GON4L: variants seen among roughly 807,000 people sequenced by gnomAD.
The protein encoded by GON4L is gon-4 like.
GON4L carries 87 observed loss-of-function variants against 211.8 expected under a neutral mutation model. That is an observed-to-expected ratio of 0.41 (90% confidence interval 0.35 to 0.49). The LOEUF is 0.49. GON4L is among the 20% of genes least tolerant of loss of function. The probability of loss-of-function intolerance (pLI) is 0.15; values close to 1 mark genes in which losing one functional copy is unlikely to be tolerated. For missense variants in GON4L, 2,155 were observed against 2,659.5 expected (o/e 0.81, Z 4.17); for synonymous variants, 875 against 962.6 (o/e 0.91, Z 1.68).
At chr1:155,852,446 T>G (rs1230551124) in intron 2 of GON4L, among the ~76,000 whole-genome samples, 2 of 152,000 alleles carry the variant, frequency 1.3e-5, no homozygotes, top group Non-Finnish European at 2.9e-5. Flanking sequence ...GAGAATGGAA[T>G]GAAAGGGATA....
intron 23 of GON4L, among the ~76,000 whole-genome samples, chr1:155,761,747 G>A (rs995449704): frequency 4.0e-5 from 6 of 151,478 alleles, no homozygotes; most frequent in South Asian, 2.1e-4. Context: ...CACCCACCTC[G>A]GCCTCCCAAA....
intron 29 of GON4L, 55 bp downstream of exon 29, chr1:155,753,149 G>T: frequency 7.6e-7 from 1 of 1,314,268 alleles, no homozygotes; most frequent in Non-Finnish European, 1.1e-6. Context: ...TTCCTGTCTG[G>T]AGTACAGGAT....
At chr1:155,767,631 A>G in intron 19 of GON4L, 90 bp from the exon 20 acceptor site, 1 of 1,506,624 alleles carries the variant, frequency 6.6e-7, no homozygotes, top group East Asian at 2.3e-5. Flanking sequence ...GTGGATCAAG[A>G]GAAACACACA....
intron 2 of GON4L, among the ~76,000 whole-genome samples, chr1:155,852,569 G>C (rs550622867): frequency 8.6e-5 from 13 of 151,562 alleles, no homozygotes; most frequent in Admixed American, 3.3e-4. Flanking sequence ...GTGAAACCCC[G>C]CCTCTACTAA....
At chr1:155,808,616 G>C (rs771682303) in intron 10 of GON4L, among the ~76,000 whole-genome samples, 3 of 151,932 alleles carry the variant, frequency 2.0e-5, no homozygotes, top group Non-Finnish European at 4.4e-5. Context: ...TCTCCTCAAA[G>C]AGGCCTTTTT....
At chr1:155,808,023 ATCTTT>A (rs1178455616) in intron 10 of GON4L, among the ~76,000 whole-genome samples, 1 of 151,536 alleles carries the variant, frequency 6.6e-6, no homozygotes, top group Non-Finnish European at 1.5e-5. Context: ...TATCACAAAA[ATCTTT>A]TCTTATTTAT....
In GON4L at chr1:155,787,311, A is replaced by G. The variant is rs566625760; in HGVS notation, c.1748-1937T>C. 1.3e-4 allele frequency among the ~76,000 whole-genome samples: 20 copies of G among 150,532 alleles called. No homozygotes were observed. The East Asian group carries it at 1.7e-3, about 13-fold the overall frequency. On this transcript the variant is annotated intron_variant, in intron 12 of 31. Transcript: ENST00000368331. ...TTTTGGTTGTTACAAGAATCTGAGG[A>G]AAAAAAAAAGTTTTGGTTGATATCA...
At chr1:155,803,324 A>C (rs926566377) in intron 11 of GON4L, among the ~76,000 whole-genome samples, 3 of 150,826 alleles carry the variant, frequency 2.0e-5, no homozygotes, top group Non-Finnish European at 4.4e-5. Context: ...GGCTCGCTAC[A>C]ACCTTCGCCT....
At chr1:155,760,093 T>G (rs567675323) in intron 24 of GON4L, among the ~76,000 whole-genome samples, 2 of 151,356 alleles carry the variant, frequency 1.3e-5, no homozygotes, top group African/African-American at 4.9e-5. Flanking sequence ...TTCCTAGCAA[T>G]TGAGGTCAGG....
intron 31 of GON4L, among the ~76,000 whole-genome samples, chr1:155,751,514 A>G (rs1027185284): frequency 6.6e-6 from 1 of 152,160 alleles, no homozygotes; most frequent in African/African-American, 2.4e-5. Flanking sequence ...GTGCCACTGC[A>G]CTCCAGCCTA....
At chr1:155,758,191 C>T (rs1166382310) in intron 24 of GON4L, among the ~76,000 whole-genome samples, 157 bp from the exon 25 acceptor site, 1 of 150,852 alleles carries the variant, frequency 6.6e-6, no homozygotes, top group Non-Finnish European at 1.5e-5. Context: ...ATTTAAAACC[C>T]TAACCTCCAT....
downstream of GON4L, chr1:155,748,803 T>A (rs1233546172): frequency 1.9e-6 from 3 of 1,592,212 alleles, no homozygotes; most frequent in African/African-American, 4.0e-5. Flanking sequence ...GAGCTGTTGG[T>A]CCTTAGGAGT....
intron 10 of GON4L, among the ~76,000 whole-genome samples, chr1:155,805,400 A>C (rs1229263786): frequency 6.6e-6 from 1 of 152,118 alleles, no homozygotes; most frequent in Non-Finnish European, 1.5e-5. Flanking sequence ...TACCCTTTTA[A>C]AGTGTATAAT....
At chr1:155,856,950 G>A (rs1316540006) in intron 1 of GON4L, among the ~76,000 whole-genome samples, 197 bp downstream of exon 1, 1 of 152,080 alleles carries the variant, frequency 6.6e-6, no homozygotes, top group African/African-American at 2.4e-5. Context: ...ATTTTCAAAA[G>A]GGGTCCTAAC....
Position 155,818,531 on chromosome 1 carries a change from A to G in GON4L, c.1014+2075T>C, listed in dbSNP as rs796938430. On this transcript the variant is annotated intron_variant, in intron 6 of 31. Coordinates refer to ENST00000368331, the MANE Select transcript of GON4L (RefSeq NM_001282860.2). ...CATCCTAGAGAAAGATGAAATTTCA[A>G]TTTATGCAACAAGAGTTAGTCAACC... Among the ~76,000 whole-genome samples, 17 of 152,330 alleles carry G rather than the reference A, an allele frequency of 1.1e-4. 1 individual carries two copies. The highest frequency in any genetic ancestry group is 4.1e-4 in the African/African-American group (17 of 41,574).
intron 2 of GON4L, among the ~76,000 whole-genome samples, chr1:155,828,789 CAG>C (rs1390994602): frequency 3.3e-5 from 4 of 121,796 alleles, no homozygotes; most frequent in Non-Finnish European, 6.4e-5. Context: ...GCCTGGGCGA[CAG>C]AGAGAGACTC....
At chr1:155,795,586 T>C (rs1369594554) in intron 11 of GON4L, among the ~76,000 whole-genome samples, 1 of 152,088 alleles carries the variant, frequency 6.6e-6, no homozygotes, top group African/African-American at 2.4e-5. Context: ...ACTCTGTGAG[T>C]GCAAACATGA....
intron 2 of GON4L, among the ~76,000 whole-genome samples, chr1:155,852,059 C>T (rs532757363): frequency 3.3e-4 from 48 of 147,676 alleles, no homozygotes; most frequent in Non-Finnish European, 4.5e-4. Flanking sequence ...CAGCTACTCG[C>T]GAGGCTGAAG....
downstream of GON4L, chr1:155,748,476 C>T: frequency 1.2e-6 from 2 of 1,611,748 alleles, no homozygotes; most frequent in South Asian, 1.1e-5. Flanking sequence ...CGCCTGTGTT[C>T]CTCTCCAGTT....
Sources: gnomAD v4.1 joint callset for allele counts (sites outside exome capture counted in the v4.1 genomes callset) on GRCh38, gnomAD v4.1.1 for gene constraint, MANE v1.5 for transcripts, NCBI Gene and HGNC (gene_info 2026-07-23, HGNC 2026-07-21) for gene names.